Variants in ERCC3 observed in about 807,000 individuals in gnomAD.
The protein encoded by ERCC3 is general transcription and DNA repair factor IIH helicase/translocase subunit XPB.
In ERCC3, 66 loss-of-function variants were observed where a neutral mutation model predicts 94.2. The observed-to-expected ratio is 0.70, with a 90% confidence interval of 0.57 to 0.86. The LOEUF (loss-of-function observed/expected upper bound fraction) is 0.86, where lower values mean the gene tolerates loss of function less well. ERCC3 is among the 40% of genes least tolerant of loss of function. The pLI is 0.00. For synonymous variants in ERCC3, 349 were observed against 369.1 expected (o/e 0.95, Z 0.63); for missense variants, 829 against 987.1 (o/e 0.84, Z 2.15).
intron 4 of ERCC3, 167 bp downstream of exon 4, chr2:127,290,057 C>T: frequency 1.3e-6 from 1 of 771,394 alleles, no homozygotes; most frequent in Non-Finnish European, 2.2e-6. Flanking sequence ...AATACAGTGG[C>T]CAGTGGATGA....
At position 127,292,973 on chromosome 2, in the gene ERCC3, C is replaced by T; in HGVS notation, c.235-127G>A. The T allele has an allele frequency of 5.7e-6, 4 of 707,506 alleles. No homozygotes were observed. The South Asian group carries it at 6.0e-5, about 11-fold the overall frequency. The allele number at this position is 707,506 out of a possible 1,614,324, so 43.8% of individuals were successfully genotyped here. A position where few individuals can be genotyped will look rare whatever the true frequency, so the allele number is the denominator to read the frequency against. ...ACCACAGATATTCTTGCAAGCACTCCTTCAGACAACTGTGGGGCCTGTTAC... is the reference window on the plus strand; with the variant it reads ...ACCACAGATATTCTTGCAAGCACTCTTTCAGACAACTGTGGGGCCTGTTAC... On this transcript the variant is annotated intron_variant, in intron 2 of 14. Coordinates refer to ENST00000285398, the MANE Select transcript of ERCC3 (RefSeq NM_000122.2).
At position 127,293,733 on chromosome 2, in the gene ERCC3, C is replaced by A. The variant is rs188356418; in HGVS notation, c.29-15G>T. On this transcript the variant is annotated splice_polypyrimidine_tract_variant and intron_variant, in intron 1 of 14. Transcript: ENST00000285398. Reference sequence around the variant, plus strand: ...TTTCTTCTTGTCTGCAAGATACCAACACAGAAGTAAGCCCAGCAGGAGCCT... The same window carrying A: ...TTTCTTCTTGTCTGCAAGATACCAAAACAGAAGTAAGCCCAGCAGGAGCCT... 140 of 1,609,702 alleles carry A rather than the reference C, an allele frequency of 8.7e-5. No individual in the cohort carries two copies. The East Asian group carries it at 2.9e-3, about 34-fold the overall frequency.
chr2:127,261,313 T>G lies in ERCC3; in HGVS notation c.1979A>C (p.Tyr660Ser). Residue 660 changes from tyrosine (Y) to serine (S), a missense_variant, in exon 13 of 15, where the codon TAC becomes TCC. Transcript: ENST00000285398. ...CTGTGTGTCCTGGGATACCAGTGAGTAGAAAAAGGCATTGTACTCTTCTGC... is the reference window on the plus strand; with the variant it reads ...CTGTGTGTCCTGGGATACCAGTGAGGAGAAAAAGGCATTGTACTCTTCTGC... ...MVAEEYNAFF[Y>S]SLVSQDTQEM... The G allele has an allele frequency of 2.5e-6, 4 of 1,612,558 alleles. No homozygotes were observed. Among genetic ancestry groups the G allele is most frequent in the Non-Finnish European group, 3.4e-6 (4 of 1,178,610 alleles).
intron 7 of ERCC3, 102 bp from the exon 8 acceptor site, chr2:127,287,119 G>T (rs892179590): frequency 1.1e-6 from 1 of 888,532 alleles, no homozygotes; most frequent in Non-Finnish European, 1.8e-6. Context: ...AAAATGTCTT[G>T]TAACAGTCCA....
At chr2:127,287,751 G>A (rs958262186) in intron 7 of ERCC3, among the ~76,000 whole-genome samples, 2 of 152,134 alleles carry the variant, frequency 1.3e-5, no homozygotes, top group Non-Finnish European at 2.9e-5. Context: ...GGAGGCACTC[G>A]GCAAAAGACC....
At chr2:127,287,148 GAC>G in intron 7 of ERCC3, 131 bp from the exon 8 acceptor site, 1 of 691,282 alleles carries the variant, frequency 1.4e-6, no homozygotes, top group Non-Finnish European at 2.5e-6. Flanking sequence ...ACATCTGAGC[GAC>G]ACACACTGCT....
rs930132955 is a variant in ERCC3, at chr2:127,288,859, C to A, written c.828G>T (p.Met276Ile). 1.2e-6 allele frequency: 2 copies of A among 1,613,000 alleles called. No individual in the cohort carries two copies. The highest frequency in any genetic ancestry group is 1.7e-5 in the Admixed American group (1 of 60,000). Residue 276 changes from methionine to isoleucine, a missense_variant, in exon 7 of 15, where the codon ATG becomes ATT. Physicochemically the swap from Met to Ile is conservative, Grantham distance 10. Transcript: ENST00000285398. ...QTVSFEVKQE[M>I]IEELQKRCIH... ...TGCAACGTTTCTGGAGTTCCTCAAT[C>A]ATTTCCTGGAAAGAGGGCACAAAAG...
At chr2:127,273,097 C>A in intron 10 of ERCC3, 136 bp from the exon 11 acceptor site, 1 of 633,068 alleles carries the variant, frequency 1.6e-6, no homozygotes. Context: ...TCGTTACACC[C>A]AAAAAAATGA....
At position 127,290,267 on chromosome 2, in the gene ERCC3, T is replaced by A; in HGVS notation, c.478A>T (p.Thr160Ser). The change falls in exon 4 of 15, where the codon ACT becomes TCT. Residue 160 changes from threonine (T) to serine (S), a missense_variant. Coordinates refer to ENST00000285398, the MANE Select transcript of ERCC3 (RefSeq NM_000122.2). ...DGIMQFIKLC[T>S]VSYGKVKLVL... The stretch of plus-strand genomic sequence containing the variant: ...AGCTTGACTTTTCCATAGCTGACAG[T>A]ACACAACTGCAAATACAGATAACAT... The A allele has an allele frequency of 6.2e-7, 1 of 1,613,440 alleles. No homozygotes were observed.
At chr2:127,276,077 C>T (rs1006001127) in intron 10 of ERCC3, among the ~76,000 whole-genome samples, 1 of 152,154 alleles carries the variant, frequency 6.6e-6, no homozygotes, top group Non-Finnish European at 1.5e-5. Context: ...GCTTATTCTC[C>T]AGGGATGCCC....
At position 127,291,221 on chromosome 2, in the gene ERCC3, G is replaced by A. The variant is rs1422723230; in HGVS notation, c.472-948C>T. On this transcript the variant is annotated intron_variant, in intron 3 of 14. Transcript: ENST00000285398. The surrounding 1 kb of genome is among the most constrained non-coding windows in gnomAD (Gnocchi z 4.9). ...GCAGCCAAGACCAGGCAGAGCCACA[G>A]TGTTGGTACAAGGTCCTCTCCTTGG... Among the ~76,000 whole-genome samples the A allele has an allele frequency of 6.6e-6, 1 of 152,208 alleles. No homozygotes were observed. Among genetic ancestry groups the A allele is most frequent in the Non-Finnish European group, 1.5e-5 (1 of 68,050 alleles).
chr2:127,290,142 GGTCCTTCCCATA>G, intron 4 of ERCC3, 70 bp downstream of exon 4: 10 of 1,105,514 alleles, frequency 9.0e-6, no homozygotes, highest in Non-Finnish European at 1.4e-5. Flanking sequence ...ATAAACATCA[GGTCCTTCCCATA>G]TCCCTTTATT....
At chr2:127,261,636 G>A (rs1042414659) in intron 12 of ERCC3, 12 of 403,206 alleles carry the variant, frequency 3.0e-5, no homozygotes, top group Non-Finnish European at 5.1e-5. Context: ...TCAACAACAA[G>A]ACAAATTAAT....
chr2:127,257,498 G>A lies in ERCC3; in HGVS notation c.*98C>T. On this transcript the variant is annotated 3_prime_UTR_variant, in exon 15 of 15. Transcript: ENST00000285398. This position sits in a 1 kb window ranked among gnomAD's most constrained non-coding sequence, Gnocchi z 5.4. Reference sequence around the variant, plus strand: ...TCAGCACAATTTGGCCAACGCTGGAGGGAAGGTCAAAGAGGTGGAAGGAAA... The same window carrying A: ...TCAGCACAATTTGGCCAACGCTGGAAGGAAGGTCAAAGAGGTGGAAGGAAA... The A allele has an allele frequency of 1.3e-6, 2 of 1,510,784 alleles. No homozygotes were observed. The highest frequency in any genetic ancestry group is 1.8e-6 in the Non-Finnish European group (2 of 1,088,356). 93.6% of individuals were successfully genotyped at this position (1,510,784 alleles called of 1,614,324 possible). A position where few individuals can be genotyped will look rare whatever the true frequency, so the allele number is the denominator to read the frequency against.
At position 127,279,770 on chromosome 2, in the gene ERCC3, A is replaced by G. The variant is rs896429425; in HGVS notation, c.1528-395T>C. On this transcript the variant is annotated intron_variant, in intron 9 of 14. Coordinates refer to ENST00000285398, the MANE Select transcript of ERCC3 (RefSeq NM_000122.2). This position sits in a 1 kb window ranked among gnomAD's most constrained non-coding sequence, Gnocchi z 4.7. ...GTGAGACCCTGTTTTAAAAAAAAAA[A>G]AATGCTATGTGAATTAGAAATCAGT... 2.6e-5 allele frequency among the ~76,000 whole-genome samples: 4 copies of G among 152,176 alleles called. No individual in the cohort carries two copies. The highest frequency in any genetic ancestry group is 9.7e-5 in the African/African-American group (4 of 41,416).
In ERCC3 at chr2:127,294,112, C is replaced by T. The variant is rs766435259; in HGVS notation, c.-31G>A. On this transcript the variant is annotated 5_prime_UTR_variant, in exon 1 of 15. Coordinates refer to ENST00000285398, the MANE Select transcript of ERCC3 (RefSeq NM_000122.2). Reference sequence around the variant, plus strand: ...CTACAGCAGCAGAGAGAAGATGACCCCGCTCCCACAGGCCCGCCGCGGCAT... The same window carrying T: ...CTACAGCAGCAGAGAGAAGATGACCTCGCTCCCACAGGCCCGCCGCGGCAT... 1.2e-5 allele frequency: 19 copies of T among 1,603,758 alleles called. No homozygotes were observed. Among genetic ancestry groups the T allele is most frequent in the Admixed American group, 6.7e-5 (4 of 59,802 alleles).
chr2:127,262,225 C>A (rs920035608), intron 12 of ERCC3: 12 of 152,134 alleles, frequency 7.9e-5, no homozygotes, highest in African/African-American at 2.9e-4. Context: ...GTGTGGTGAC[C>A]CAGTCCTGTA....
rs1004926827 is a variant in ERCC3 at position 127,291,132 on chromosome 2, TC to T, written c.472-860del. 6.6e-6 allele frequency among the ~76,000 whole-genome samples: 1 copy of T among 152,032 alleles called. No individual in the cohort carries two copies. Among genetic ancestry groups the T allele is most frequent in the African/African-American group, 2.4e-5 (1 of 41,390 alleles). ...CAGTCAGACTTTGAGGGGCTGCCTA[TC>T]CCCGCTGTTGTCCCTGATCCACCAC... On this transcript the variant is annotated intron_variant, in intron 3 of 14. Transcript: ENST00000285398. The surrounding 1 kb of genome is among the most constrained non-coding windows in gnomAD (Gnocchi z 4.9).
At position 127,257,553 on chromosome 2, in the gene ERCC3, G is replaced by C; in HGVS notation, c.*43C>G. 1 of 1,611,722 alleles carries C rather than the reference G, an allele frequency of 6.2e-7. No individual in the cohort carries two copies. Among genetic ancestry groups the C allele is most frequent in the Non-Finnish European group, 8.5e-7 (1 of 1,179,248 alleles). ...TATGCTGAAAATCCCTTTCCAACAA[G>C]GGTGCCAAGCGCCGGTCTTGAACGA... is the stretch of plus-strand genomic sequence containing the variant. On this transcript the variant is annotated 3_prime_UTR_variant, in exon 15 of 15. Transcript: ENST00000285398. This position sits in a 1 kb window ranked among gnomAD's most constrained non-coding sequence, Gnocchi z 5.4.
Sources: allele counts gnomAD v4.1 joint callset (sites outside exome capture counted in the v4.1 genomes callset), GRCh38; gene constraint gnomAD v4.1.1; non-coding constraint Gnocchi (gnomAD v3.1); transcripts MANE v1.5; gene names NCBI Gene and HGNC (gene_info 2026-07-23, HGNC 2026-07-21).